Variants in AOAH observed in about 807,000 individuals in gnomAD.
AOAH encodes the protein acyloxyacyl hydrolase (neutrophil).
A neutral mutation model predicts 92.2 loss-of-function variants in AOAH; 64 were observed. The observed-to-expected ratio is 0.69, with a 90% CI of 0.57 to 0.86. AOAH has a LOEUF of 0.86. Ranked by LOEUF, AOAH falls within the 40% of genes least tolerant of loss-of-function variation. The probability of loss-of-function intolerance (pLI) is 0.00; values close to 1 mark genes in which losing one functional copy is unlikely to be tolerated. For missense variants in AOAH, 656 were observed against 694.6 expected (o/e 0.94, Z 0.62); for synonymous variants, 263 against 254.5 (o/e 1.03, Z -0.32).
intron 13 of AOAH, among the ~76,000 whole-genome samples, chr7:36,561,040 C>CTTT (rs72472573): frequency 1.6e-5 from 2 of 121,780 alleles, no homozygotes; most frequent in African/African-American, 3.2e-5. Context: ...GCACTGGGAA[C>CTTT]TTTTTTTTTT....
intron 11 of AOAH, among the ~76,000 whole-genome samples, 176 bp downstream of exon 11, chr7:36,616,204 G>A (rs1477784097): frequency 6.6e-6 from 1 of 152,194 alleles, no homozygotes; most frequent in Admixed American, 6.5e-5. Flanking sequence ...GTGAGTAGAA[G>A]GAACCTTTTG....
chr7:36,562,762 G>A (rs974433153), intron 13 of AOAH, among the ~76,000 whole-genome samples: 1 of 152,126 alleles, frequency 6.6e-6, no homozygotes, highest in Non-Finnish European at 1.5e-5. Flanking sequence ...ATTTGGTCCT[G>A]TAGCCAGAAA....
intron 5 of AOAH, among the ~76,000 whole-genome samples, chr7:36,632,566 CT>C (rs756266021): frequency 2.0e-5 from 3 of 152,216 alleles, no homozygotes; most frequent in South Asian, 2.1e-4. Flanking sequence ...GACCAAGCCC[CT>C]TGTGCTTCTT....
At chr7:36,554,826 A>G (rs1194900425) in intron 13 of AOAH, among the ~76,000 whole-genome samples, 4 of 151,496 alleles carry the variant, frequency 2.6e-5, no homozygotes, top group African/African-American at 9.7e-5. Flanking sequence ...ATTTTTGTAC[A>G]TTGATTTTGT....
intron 4 of AOAH, among the ~76,000 whole-genome samples, chr7:36,651,403 A>G (rs1314404444): frequency 2.0e-5 from 3 of 152,172 alleles, no homozygotes; most frequent in African/African-American, 7.2e-5. Context: ...TATTTGTCCT[A>G]CAGACTTGGG....
At chr7:36,542,629 A>G (rs77629920) in intron 15 of AOAH, among the ~76,000 whole-genome samples, 5,277 of 152,308 alleles carry the variant, frequency 0.035, 139 homozygotes, top group Non-Finnish European at 0.05. Flanking sequence ...TGACCTTGGA[A>G]TTTCACTTTC....
At chr7:36,569,488 T>C (rs1351450206) in intron 13 of AOAH, among the ~76,000 whole-genome samples, 1 of 151,682 alleles carries the variant, frequency 6.6e-6, no homozygotes, top group Non-Finnish European at 1.5e-5. Context: ...TATCTATCTA[T>C]CTATCTATCT....
intron 4 of AOAH, among the ~76,000 whole-genome samples, chr7:36,644,880 C>T (rs142881844): frequency 7.1e-4 from 79 of 111,498 alleles, no homozygotes; most frequent in East Asian, 4.7e-3. Context: ...TCCAAATGGG[C>T]GTTTTTTATT....
chr7:36,609,311 C>A (rs1791246446), intron 11 of AOAH, among the ~76,000 whole-genome samples: 2 of 152,196 alleles, frequency 1.3e-5, no homozygotes, highest in South Asian at 4.1e-4. Flanking sequence ...CCCCCTAAAC[C>A]AAATAAATTC....
chr7:36,658,222 G>T (rs1479762565), intron 4 of AOAH, among the ~76,000 whole-genome samples: 3 of 152,106 alleles, frequency 2.0e-5, no homozygotes, highest in Non-Finnish European at 2.9e-5. Context: ...AAGGAGACAG[G>T]CTGATGTATT....
intron 4 of AOAH, among the ~76,000 whole-genome samples, chr7:36,654,150 C>T (rs1351280777): frequency 8.4e-6 from 1 of 118,538 alleles, no homozygotes; most frequent in Admixed American, 9.6e-5. Context: ...CACACAGCAG[C>T]AGCAATCAAT....
chr7:36,529,411 C>G (rs1404209123), intron 19 of AOAH, among the ~76,000 whole-genome samples: 2 of 152,090 alleles, frequency 1.3e-5, no homozygotes, highest in Non-Finnish European at 2.9e-5. Flanking sequence ...TGTCTCTCCC[C>G]ACGAGAGAAA....
chr7:36,517,768 T>A (rs1005087337), intron 20 of AOAH, among the ~76,000 whole-genome samples: 2 of 151,742 alleles, frequency 1.3e-5, no homozygotes, highest in Non-Finnish European at 2.9e-5. Flanking sequence ...GCCTGGCTAA[T>A]TTTTGTATTT....
intron 3 of AOAH, among the ~76,000 whole-genome samples, chr7:36,664,160 CTATT>C (rs1455926176): frequency 6.6e-6 from 1 of 151,814 alleles, no homozygotes; most frequent in Non-Finnish European, 1.5e-5. Flanking sequence ...TTCTCTGAGT[CTATT>C]TATTTGTACT....
At chr7:36,717,333 G>A (rs1352099934) in intron 1 of AOAH, among the ~76,000 whole-genome samples, 9 of 152,046 alleles carry the variant, frequency 5.9e-5, no homozygotes, top group Non-Finnish European at 7.4e-5. Context: ...ATCCCCTCAC[G>A]CCATGAGCCT....
chr7:36,547,686 A>G (rs1033450248), intron 15 of AOAH, among the ~76,000 whole-genome samples: 2 of 152,100 alleles, frequency 1.3e-5, no homozygotes, highest in Admixed American at 1.3e-4. Context: ...TTTGGCCACA[A>G]TCACAGGACA....
chr7:36,579,024 T>C lies in AOAH; in HGVS notation c.939-2368A>G, dbSNP rs151171654. On this transcript the variant is annotated intron_variant, in intron 12 of 20. Coordinates refer to ENST00000617537, the MANE Select transcript of AOAH (RefSeq NM_001637.4). ...AGAGCAGGAGAACAAGCAAATGTGCTACACACATTTAAATGACAAGATTTC... is the reference window on the plus strand; with the variant it reads ...AGAGCAGGAGAACAAGCAAATGTGCCACACACATTTAAATGACAAGATTTC... Among the ~76,000 whole-genome samples, 13 of 152,272 alleles carry C rather than the reference T, an allele frequency of 8.5e-5. No individual in the cohort carries two copies. In the East Asian group the frequency reaches 2.5e-3, roughly 29 times the overall value.
chr7:36,665,029 A>T (rs1795453695), intron 3 of AOAH, among the ~76,000 whole-genome samples: 1 of 152,146 alleles, frequency 6.6e-6, no homozygotes, highest in African/African-American at 2.4e-5. Context: ...CCATTATCTA[A>T]TACCTCCTAC....
At chr7:36,524,840 T>G (rs1411434336) in intron 19 of AOAH, among the ~76,000 whole-genome samples, 1 of 152,098 alleles carries the variant, frequency 6.6e-6, no homozygotes, top group Non-Finnish European at 1.5e-5. Flanking sequence ...CATCCTGATT[T>G]TAAACTTTTA....
Sources: allele counts gnomAD v4.1 joint callset (sites outside exome capture counted in the v4.1 genomes callset), GRCh38; gene constraint gnomAD v4.1.1; transcripts MANE v1.5; gene names NCBI Gene and HGNC (gene_info 2026-07-23, HGNC 2026-07-21).